SYT12: variants seen among roughly 807,000 people sequenced by gnomAD.
The protein encoded by SYT12 is synaptotagmin 12.
SYT12 carries 27 observed loss-of-function variants against 39.5 expected under a neutral mutation model. The ratio of observed to expected loss-of-function variants is 0.68; its 90% CI spans 0.50 to 0.94. The LOEUF is 0.94. SYT12 is among the 40% of genes least tolerant of loss of function. The pLI, the probability that SYT12 is intolerant of heterozygous loss-of-function variation, is 0.00. For missense variants in SYT12, 536 were observed against 572.6 expected, an observed-to-expected ratio of 0.94 and a Z score of 0.65; for synonymous variants, 233 against 239.7, an observed-to-expected ratio of 0.97 and a Z score of 0.26.
intron 3 of SYT12, 64 bp from the exon 4 acceptor site, chr11:67,039,747 C>T (rs905785161): frequency 1.7e-5 from 26 of 1,527,618 alleles, no homozygotes; most frequent in Admixed American, 3.8e-5. Flanking sequence ...ATCTCTTTGC[C>T]GTCTCCCAGT....
chr11:67,039,257 C>T (rs537544932), intron 3 of SYT12, among the ~76,000 whole-genome samples: 6 of 151,464 alleles, frequency 4.0e-5, no homozygotes, highest in Non-Finnish European at 8.8e-5. Context: ...GAATGGAGAT[C>T]GAGCCACTGC....
chr11:67,031,724 C>T (rs60421434), intron 2 of SYT12: 7,870 of 152,336 alleles, frequency 0.052, 297 homozygotes, highest in East Asian at 0.088. Flanking sequence ...GTGCCCCCAG[C>T]CCTGCCCCCT....
upstream of SYT12, among the ~76,000 whole-genome samples, chr11:67,021,500 G>A (rs1468853661): frequency 6.6e-6 from 1 of 151,940 alleles, no homozygotes; most frequent in Non-Finnish European, 1.5e-5. Context: ...GGCTGGTCTC[G>A]AACTCCTGGC....
At position 67,043,873 on chromosome 11, in the gene SYT12, G is replaced by C. The variant is rs757707185; in HGVS notation, c.837+20G>C. The C allele has an allele frequency of 6.2e-7, 1 of 1,609,210 alleles. No individual in the cohort carries two copies. The highest frequency in any genetic ancestry group is 8.5e-7 in the Non-Finnish European group (1 of 1,176,148). ...AACAAGGTAAGTGACTTGCCTGCTC[G>C]TCCACCTCGGAAGAGCGTGCACACA... On this transcript the variant is annotated intron_variant, in intron 5 of 7. Transcript: ENST00000527043.
chr11:67,040,126 C>A lies in SYT12; in HGVS notation c.544C>A (p.Arg182=), dbSNP rs751317788. ...GATGCAGGGCAAGGACCTCCTGGAG[C>A]GGGAGGAGGCCAGCTTCGAGTCCTG... ...AVMQGKDLLE[R]EEASFESCFM... is the part of the protein sequence containing the mutation. The change falls in exon 4 of 8, where the codon CGG becomes AGG. Residue 182 remains arginine, a synonymous_variant. Transcript: ENST00000527043. 2 of 1,611,848 alleles carry A rather than the reference C, an allele frequency of 1.2e-6. No individual in the cohort carries two copies. Among genetic ancestry groups the A allele is most frequent in the East Asian group, 2.2e-5 (1 of 44,824 alleles).
rs569550649 is a variant in SYT12 at position 67,037,333 on chromosome 11, A to G, written c.229-2478A>G. ...GCAGTATTTGTATTTCTGAAAAAGT[A>G]CAAGCAACATAAATGTCCAACAGTG... is the stretch of plus-strand genomic sequence containing the variant. On this transcript the variant is annotated intron_variant, in intron 3 of 7. Coordinates refer to ENST00000527043, the MANE Select transcript of SYT12 (RefSeq NM_177963.4). Among the ~76,000 whole-genome samples the G allele has an allele frequency of 3.9e-5, 6 of 152,340 alleles. No homozygotes were observed. The East Asian group carries it at 1.2e-3, about 29-fold the overall frequency.
rs919977488 is a variant in SYT12 at position 67,023,383 on chromosome 11, C to T, written c.-101C>T. 9 of 149,494 alleles carry T rather than the reference C, an allele frequency of 6.0e-5. No homozygotes were observed. Among genetic ancestry groups the T allele is most frequent in the African/African-American group, 1.9e-4 (8 of 41,128 alleles). 9.3% of individuals were successfully genotyped at this position (149,494 alleles called of 1,614,324 possible). A position where few individuals can be genotyped will look rare whatever the true frequency, so the allele number is the denominator to read the frequency against. On this transcript the variant is annotated 5_prime_UTR_variant, in exon 1 of 8. Transcript: ENST00000527043. Reference sequence around the variant, plus strand: ...CGTTGCCGCCGGCGGCCGGGCTAGGCGCAGGTGCGTGCGCGCTGCGGGAGG... The same window carrying T: ...CGTTGCCGCCGGCGGCCGGGCTAGGTGCAGGTGCGTGCGCGCTGCGGGAGG...
At chr11:67,035,790 T>TTTTCTTTCC (rs1491375358) in intron 3 of SYT12, among the ~76,000 whole-genome samples, 2 of 73,222 alleles carry the variant, frequency 2.7e-5, no homozygotes, top group African/African-American at 1.2e-4. Flanking sequence ...TTTTCTTTTC[T>TTTTCTTTCC]TTCCTTCCTT....
chr11:67,013,074 G>A (rs1427387879), intron 3 of SYT12, among the ~76,000 whole-genome samples: 1 of 152,206 alleles, frequency 6.6e-6, no homozygotes, highest in Admixed American at 6.5e-5. Context: ...GAAGGAAAGT[G>A]GGTATAAGTG....
exon 1 of SYT12, chr11:67,007,184 G>GT (rs1430849199): frequency 6.6e-6 from 1 of 152,442 alleles, no homozygotes; most frequent in Non-Finnish European, 1.5e-5. Flanking sequence ...TACCCAGTGA[G>GT]TAGGAGGCCG....
chr11:67,020,374 G>A (rs1950097035), upstream of SYT12, among the ~76,000 whole-genome samples: 1 of 152,196 alleles, frequency 6.6e-6, no homozygotes, highest in Non-Finnish European at 1.5e-5. Flanking sequence ...AGGGTCTGTA[G>A]GCCCCAGAAA....
At chr11:67,038,989 A>AAAAT (rs375878477) in intron 3 of SYT12, among the ~76,000 whole-genome samples, 8,182 of 149,694 alleles carry the variant, frequency 0.055, 405 homozygotes, top group African/African-American at 0.13. Flanking sequence ...TCTGTCTCAA[A>AAAAT]AAATAAATAA....
intron 3 of SYT12, among the ~76,000 whole-genome samples, chr11:67,035,837 C>CCTTCCTTCCTTCCTTTCTTT (rs1412426648): frequency 6.3e-5 from 7 of 111,142 alleles, no homozygotes; most frequent in East Asian, 2.8e-4. Flanking sequence ...TTCCTTCCTT[C>CCTTCCTTCCTTCCTTTCTTT]CTTTCTTTCT....
chr11:67,047,414 A>G (rs1209498755), intron 7 of SYT12, among the ~76,000 whole-genome samples: 3 of 150,244 alleles, frequency 2.0e-5, no homozygotes, highest in Admixed American at 2.0e-4. Flanking sequence ...ATTACAGGCA[A>G]GCACCATCAT....
chr11:67,041,759 C>T (rs958693974), intron 4 of SYT12, among the ~76,000 whole-genome samples: 12 of 152,206 alleles, frequency 7.9e-5, no homozygotes. Context: ...GACTTCCCTC[C>T]CCCTCCAGTT....
Position 67,043,812 on chromosome 11 carries a change from C to T in SYT12, c.796C>T (p.Gln266Ter). The T allele has an allele frequency of 6.2e-7, 1 of 1,614,140 alleles. No homozygotes were observed. Among genetic ancestry groups the T allele is most frequent in the Non-Finnish European group, 8.5e-7 (1 of 1,180,038 alleles). Residue 266 changes from glutamine to a stop codon, truncating the protein, a stop_gained, in exon 5 of 8, where the codon CAG (glutamine) becomes TAG (stop). Transcript: ENST00000527043. LOFTEE classifies it high-confidence loss of function. ...LKLSVLDLPL[Q>*]PFSGWLYLQD... Reference sequence around the variant, plus strand: ...GCTTTCTGTGCTTGACCTCCCGCTGCAGCCCTTCAGTGGCTGGCTCTATTT... The same window carrying T: ...GCTTTCTGTGCTTGACCTCCCGCTGTAGCCCTTCAGTGGCTGGCTCTATTT...
chr11:67,019,458 G>A (rs1950086332), upstream of SYT12, among the ~76,000 whole-genome samples: 1 of 149,084 alleles, frequency 6.7e-6, no homozygotes, highest in Non-Finnish European at 1.5e-5. Context: ...GGCAACAAGA[G>A]CGAAACTCCA....
intron 3 of SYT12, among the ~76,000 whole-genome samples, chr11:67,011,435 G>A (rs557858919): frequency 1.3e-5 from 2 of 152,248 alleles, no homozygotes; most frequent in South Asian, 4.1e-4. Flanking sequence ...TAGAGATGAG[G>A]TCTCACCATG....
At chr11:67,022,253 A>G (rs1286274294), upstream of SYT12, among the ~76,000 whole-genome samples, 1 of 152,114 alleles carries the variant, frequency 6.6e-6, no homozygotes, top group Non-Finnish European at 1.5e-5. Context: ...CCTCAGCTCT[A>G]AAGGCCCAGA....
Sources: allele counts gnomAD v4.1 joint callset (sites outside exome capture counted in the v4.1 genomes callset), GRCh38; gene constraint gnomAD v4.1.1; transcripts MANE v1.5; gene names NCBI Gene and HGNC (gene_info 2026-07-23, HGNC 2026-07-21).